CEP170: variants seen among roughly 807,000 people sequenced by gnomAD.
The protein encoded by CEP170 is centrosomal protein of 170 kDa.
Under a neutral mutation model 151.9 loss-of-function variants are expected in CEP170, and 21 were observed. The observed-to-expected ratio is 0.14, with a 90% confidence interval of 0.10 to 0.20. The LOEUF (loss-of-function observed/expected upper bound fraction) is 0.20, where lower values mean the gene tolerates loss of function less well. Among genes scored for constraint, CEP170 ranks in the 10% least tolerant of loss-of-function variants. The pLI is 1.00. For missense variants in CEP170, 964 were observed against 1,892.9 expected (o/e 0.51, Z 9.11); for synonymous variants, 356 against 648.8 (o/e 0.55, Z 6.86).
chr1:243,147,388 G>A (rs547962229), intron 14 of CEP170, among the ~76,000 whole-genome samples: 1 of 152,264 alleles, frequency 6.6e-6, no homozygotes, highest in South Asian at 2.1e-4. Context: ...TTTTAATACA[G>A]CCTTTGGCTT....
At chr1:243,138,463 C>A (rs1241054007) in intron 16 of CEP170, among the ~76,000 whole-genome samples, 1 of 152,030 alleles carries the variant, frequency 6.6e-6, no homozygotes, top group African/African-American at 2.4e-5. Flanking sequence ...ACATAATAAT[C>A]TCAAGATCTT....
chr1:243,136,965 G>A (rs1224175542), intron 16 of CEP170, among the ~76,000 whole-genome samples: 1 of 152,244 alleles, frequency 6.6e-6, no homozygotes, highest in Non-Finnish European at 1.5e-5. Context: ...TATTACCCCA[G>A]TTGAGATGCA....
At chr1:243,149,604 C>T (rs1385158040) in intron 14 of CEP170, among the ~76,000 whole-genome samples, 2 of 152,270 alleles carry the variant, frequency 1.3e-5, no homozygotes, top group Non-Finnish European at 1.5e-5. Flanking sequence ...GGCAGATATG[C>T]CTTATTGCTT....
chr1:243,152,358 A>T (rs1409337928), intron 14 of CEP170, among the ~76,000 whole-genome samples: 1 of 150,764 alleles, frequency 6.6e-6, no homozygotes, highest in Admixed American at 6.6e-5. Flanking sequence ...GGTAGCTGAG[A>T]CTACAGGCGC....
At chr1:243,193,984 ACAAAAAGCTAATAC>A (rs979804890) in intron 7 of CEP170, among the ~76,000 whole-genome samples, 33 of 152,104 alleles carry the variant, frequency 2.2e-4, no homozygotes, top group African/African-American at 7.2e-4. Flanking sequence ...AATCAGGAAG[ACAAAAAGCTAATAC>A]CAAAACCCAA....
chr1:243,124,454 AAAT>A lies in CEP170; in HGVS notation c.*1992_*1994del, dbSNP rs2053555797. The A allele has an allele frequency of 6.6e-6, 1 of 152,656 alleles. No individual in the cohort carries two copies. The highest frequency in any genetic ancestry group is 2.4e-5 in the African/African-American group (1 of 41,474). 9.5% of individuals were successfully genotyped at this position (152,656 alleles called of 1,614,324 possible). On this transcript the variant is annotated 3_prime_UTR_variant, in exon 20 of 20. Coordinates refer to ENST00000366542, the MANE Select transcript of CEP170 (RefSeq NM_014812.3). ...AAAGTTCCAGAAACACTTTATTTAA[AAAT>A]GGAGTTGTAAATGCATAACAAAATA...
At chr1:243,137,758 A>G (rs2055291755) in intron 16 of CEP170, among the ~76,000 whole-genome samples, 1 of 151,506 alleles carries the variant, frequency 6.6e-6, no homozygotes, top group East Asian at 1.9e-4. Context: ...CTGGTGACAA[A>G]GCGAGACTCC....
intron 1 of CEP170, among the ~76,000 whole-genome samples, chr1:243,225,983 C>A (rs747848988): frequency 7.0e-5 from 10 of 142,588 alleles, no homozygotes; most frequent in Admixed American, 2.7e-4. Flanking sequence ...ATCTATCTAT[C>A]TATATATATA....
chr1:243,216,817 AG>A (rs1381887346), intron 3 of CEP170, among the ~76,000 whole-genome samples: 3 of 152,224 alleles, frequency 2.0e-5, no homozygotes, highest in Non-Finnish European at 4.4e-5. Context: ...GAAAATTCAA[AG>A]GCTTCAGAGA....
chr1:243,161,529 G>C (rs1322381200), intron 13 of CEP170, among the ~76,000 whole-genome samples: 1 of 152,064 alleles, frequency 6.6e-6, no homozygotes, highest in Non-Finnish European at 1.5e-5. Flanking sequence ...GAATGCAGTA[G>C]TGTGATCACA....
chr1:243,171,900 C>T (rs1003849422), intron 11 of CEP170, among the ~76,000 whole-genome samples: 2 of 152,182 alleles, frequency 1.3e-5, no homozygotes, highest in Non-Finnish European at 2.9e-5. Context: ...TCTAGCTCTA[C>T]TATGCATACT....
intron 14 of CEP170, among the ~76,000 whole-genome samples, chr1:243,155,443 C>G (rs1405448728): frequency 1.3e-5 from 2 of 151,930 alleles, no homozygotes; most frequent in Non-Finnish European, 2.9e-5. Context: ...AGATTAAGGT[C>G]TTAAAGACAG....
chr1:243,166,553 T>A (rs1305592315), intron 12 of CEP170: 1 of 160,078 alleles, frequency 6.2e-6, no homozygotes, highest in Non-Finnish European at 1.4e-5. Flanking sequence ...CCAGCTATAT[T>A]ACATTACATT....
At chr1:243,253,690 G>A (rs540595731) in intron 1 of CEP170, among the ~76,000 whole-genome samples, 19 of 152,086 alleles carry the variant, frequency 1.2e-4, no homozygotes, top group Non-Finnish European at 2.4e-4. Flanking sequence ...TAGTCATAAT[G>A]TCACTCTCTC....
At position 243,126,469 on chromosome 1, in the gene CEP170, C is replaced by T; in HGVS notation, c.4735G>A (p.Asp1579Asn). The T allele has an allele frequency of 6.2e-7, 1 of 1,609,224 alleles. No homozygotes were observed. The highest frequency in any genetic ancestry group is 8.5e-7 in the Non-Finnish European group (1 of 1,177,378). ...GAAAGTCATTCTTGTACTGTAACAT[C>T]TTCCTCTTCCCCATCGGGGTTGAAT... is the stretch of plus-strand genomic sequence containing the variant. Reference protein sequence around the residue: ...NRFNPDGEEEDVTVQE With the variant: ...NRFNPDGEEENVTVQE Residue 1579 changes from aspartate to asparagine, a missense_variant, in exon 20 of 20, where the codon GAT (aspartate) becomes AAT (asparagine). Asp to Asn is a conservative substitution (Grantham distance 23, BLOSUM62 1). Transcript: ENST00000366542.
At chr1:243,198,683 G>C (rs1318164912) in intron 7 of CEP170, among the ~76,000 whole-genome samples, 1 of 151,766 alleles carries the variant, frequency 6.6e-6, no homozygotes, top group East Asian at 1.9e-4. Context: ...TTATATTCTG[G>C]GGATCTAATA....
At chr1:243,197,357 G>A (rs917508238) in intron 7 of CEP170, among the ~76,000 whole-genome samples, 8 of 149,864 alleles carry the variant, frequency 5.3e-5, no homozygotes, top group African/African-American at 1.7e-4. Context: ...TCCTGACATA[G>A]ATCATGTGGC....
chr1:243,197,059 CA>C (rs2060701885), intron 7 of CEP170, among the ~76,000 whole-genome samples: 1 of 151,972 alleles, frequency 6.6e-6, no homozygotes, highest in South Asian at 2.1e-4. Flanking sequence ...ATTTGGCAGG[CA>C]AAAGACAGTC....
At chr1:243,155,164 A>C (rs2057434736) in intron 14 of CEP170, among the ~76,000 whole-genome samples, 1 of 152,224 alleles carries the variant, frequency 6.6e-6, no homozygotes, top group Non-Finnish European at 1.5e-5. Context: ...TGTATGATAA[A>C]GCAAAAATGT....
Sources: allele counts gnomAD v4.1 joint callset (sites outside exome capture counted in the v4.1 genomes callset), GRCh38; gene constraint gnomAD v4.1.1; transcripts MANE v1.5; gene names NCBI Gene and HGNC (gene_info 2026-07-23, HGNC 2026-07-21).